DNAH8: variants seen among roughly 807,000 people sequenced by gnomAD.
DNAH8 encodes axonemal beta dynein heavy chain 8.
A neutral mutation model predicts 562.1 loss-of-function variants in DNAH8; 382 were observed. The observed-to-expected ratio is 0.68, with a 90% CI of 0.63 to 0.74. The LOEUF (loss-of-function observed/expected upper bound fraction) is 0.74. Ranked by LOEUF, DNAH8 falls within the 30% of genes least tolerant of loss-of-function variation. The pLI is 0.00. For synonymous variants in DNAH8, 1,881 were observed against 1,919.4 expected, an observed-to-expected ratio of 0.98 and a Z score of 0.52; for missense variants, 5,203 against 5,620.4, an observed-to-expected ratio of 0.93 and a Z score of 2.37.
In DNAH8 at chr6:38,949,543, A is replaced by G. The variant is rs1222699272; in HGVS notation, c.12221A>G (p.Asp4074Gly). The change falls in exon 81 of 93, where the codon GAT becomes GGT. Residue 4074 changes from aspartate to glycine, a missense_variant. By Grantham distance (94) the Asp-to-Gly change is moderately conservative (BLOSUM62 -1). This residue lies in a region of DNAH8 where 1,399 missense variants were observed against 1,518.4 expected (regional missense o/e 0.92). Coordinates refer to ENST00000327475, the MANE Select transcript of DNAH8 (RefSeq NM_001206927.2). ...CCTGATGGATATAATGATTCACTAG[A>G]TACCTGCCATAAACTTTTACTTATC... is the stretch of plus-strand genomic sequence containing the variant. ...IIPDGYNDSL[D>G]TCHKLLLIRS... 1 of 1,607,864 alleles carries G rather than the reference A, an allele frequency of 6.2e-7. No individual in the cohort carries two copies. Among genetic ancestry groups the G allele is most frequent in the Non-Finnish European group, 8.5e-7 (1 of 1,174,430 alleles).
chr6:38,763,147 A>AC (rs1166751731), intron 11 of DNAH8: 4 of 315,024 alleles, frequency 1.3e-5, no homozygotes. Context: ...AAAATGTATG[A>AC]CCCAGTGAAA....
At chr6:38,779,013 G>A (rs1370777325) in intron 14 of DNAH8, among the ~76,000 whole-genome samples, 1 of 152,018 alleles carries the variant, frequency 6.6e-6, no homozygotes, top group Admixed American at 6.6e-5. Context: ...ATTTTTTTGT[G>A]GTATGAACAG....
chr6:38,784,230 G>T (rs1378366310), intron 17 of DNAH8, among the ~76,000 whole-genome samples: 1 of 152,164 alleles, frequency 6.6e-6, no homozygotes, highest in Non-Finnish European at 1.5e-5. Flanking sequence ...TGTTTATGGA[G>T]CAGAACTCTC....
chr6:38,719,110 T>C (rs1762552976), intron 1 of DNAH8, among the ~76,000 whole-genome samples: 1 of 152,226 alleles, frequency 6.6e-6, no homozygotes, highest in South Asian at 2.1e-4. Context: ...TAGGTTACTT[T>C]ATCTCCTAAA....
In DNAH8 at chr6:38,848,653, A is replaced by T. The variant is rs751383763; in HGVS notation, c.5051A>T (p.Asn1684Ile). The T allele has an allele frequency of 2.6e-5, 42 of 1,609,244 alleles. No homozygotes were observed. Among genetic ancestry groups the T allele is most frequent in the Non-Finnish European group, 3.6e-5 (42 of 1,176,426 alleles). Residue 1684 changes from asparagine to isoleucine, a missense_variant, in exon 37 of 93, where the codon AAT becomes ATT. Physicochemically the swap from Asn to Ile is moderately radical, Grantham distance 149. Coordinates refer to ENST00000327475, the MANE Select transcript of DNAH8 (RefSeq NM_001206927.2). ...VLGSLLSNRY[N>I]APFKKNIQNW... ...TTTCCGTTCTTACCTTTTAGATACAATGCTCCATTTAAAAAAAATATCCAG... is the reference window on the plus strand; with the variant it reads ...TTTCCGTTCTTACCTTTTAGATACATTGCTCCATTTAAAAAAAATATCCAG...
intron 91 of DNAH8, among the ~76,000 whole-genome samples, chr6:39,026,084 T>C (rs567083720): frequency 1.3e-5 from 2 of 152,258 alleles, no homozygotes; most frequent in Non-Finnish European, 2.9e-5. Context: ...CATTATGCCT[T>C]ATTTCCCTAG....
chr6:38,737,922 G>C lies in DNAH8; in HGVS notation c.1066G>C (p.Val356Leu). The change falls in exon 7 of 93, where the codon GTT (valine) becomes CTT (leucine). Residue 356 changes from valine (V) to leucine (L), a missense_variant. This residue lies in a region of DNAH8 where 556 missense variants were observed against 496.9 expected (regional missense o/e 1.12). Transcript: ENST00000327475. The part of the protein sequence containing the change: ...VTAAASNSET[V>L]HQLEEVLMVW... ...TGCTGCAGCCAGCAACTCAGAAACT[G>C]TTCATCAGCTGGAGGAAGTGCTGAT... The C allele has an allele frequency of 1.9e-6, 3 of 1,608,246 alleles. No homozygotes were observed. In the South Asian group the frequency reaches 3.3e-5, roughly 18 times the overall value.
Position 38,826,226 on chromosome 6 carries a change from A to G in DNAH8, c.3918A>G (p.Glu1306=). The G allele has an allele frequency of 6.2e-7, 1 of 1,613,770 alleles. No individual in the cohort carries two copies. Among genetic ancestry groups the G allele is most frequent in the Non-Finnish European group, 8.5e-7 (1 of 1,179,844 alleles). The change falls in exon 29 of 93, where the codon GAA becomes GAG. Residue 1306 remains glutamate (E), a synonymous_variant. Transcript: ENST00000327475. ...TGTTACTCTGTCGATATCTGAATGAAGAATACAAAAAGAAAATGTCATACA... is the reference window on the plus strand; with the variant it reads ...TGTTACTCTGTCGATATCTGAATGAGGAATACAAAAAGAAAATGTCATACA... The part of the protein sequence containing the change: ...WKMLLCRYLN[E]EYKKKMSYMI...
intron 26 of DNAH8, 80 bp from the exon 27 acceptor site, chr6:38,822,758 A>C (rs937857587): frequency 3.7e-6 from 4 of 1,092,124 alleles, no homozygotes; most frequent in Admixed American, 6.9e-5. Flanking sequence ...CAGTTTGAAA[A>C]AGAATCACAA....
Position 38,860,535 on chromosome 6 carries a change from C to G in DNAH8, c.6037C>G (p.Gln2013Glu). Residue 2013 changes from glutamine (Q) to glutamate (E), a missense_variant, in exon 43 of 93, where the codon CAA (glutamine) becomes GAA (glutamate). Gln to Glu is a conservative substitution (Grantham distance 29, BLOSUM62 2). Transcript: ENST00000327475. ...ATTTTATTTTAAGGAAGATTTGGATCAAACTGTGGTGTCTATTACAGATGT... is the reference window on the plus strand; with the variant it reads ...ATTTTATTTTAAGGAAGATTTGGATGAAACTGTGGTGTCTATTACAGATGT... ...SRFYFKEDLD[Q>E]TVVSITDVDF... The G allele has an allele frequency of 6.6e-7, 1 of 1,521,674 alleles. No individual in the cohort carries two copies. The highest frequency in any genetic ancestry group is 8.8e-7 in the Non-Finnish European group (1 of 1,141,264). The allele number at this position is 1,521,674 out of a possible 1,614,324, so 94.3% of individuals were successfully genotyped here.
intron 82 of DNAH8, among the ~76,000 whole-genome samples, chr6:38,955,662 T>G (rs982921809): frequency 6.6e-6 from 1 of 152,156 alleles, no homozygotes; most frequent in African/African-American, 2.4e-5. Context: ...TGTAAGGATC[T>G]TAACTAAATC....
In DNAH8 at chr6:38,842,441, G is replaced by C. The variant is rs1407889028; in HGVS notation, c.4540G>C (p.Glu1514Gln). 3 of 1,612,760 alleles carry C rather than the reference G, an allele frequency of 1.9e-6. No individual in the cohort carries two copies. Among genetic ancestry groups the C allele is most frequent in the Non-Finnish European group, 2.5e-6 (3 of 1,179,178 alleles). The change falls in exon 34 of 93, where the codon GAA becomes CAA. Residue 1514 changes from glutamate (E) to glutamine (Q), a missense_variant. By Grantham distance (29) the Glu-to-Gln change is conservative (BLOSUM62 2). Transcript: ENST00000327475. ...TVMSSISGYY[E>Q]ILWGDVDIEK... ...AATGAGCAGTATTAGTGGTTATTAT[G>C]AAATACTTTGGGGAGATGTAGATAT... is the stretch of plus-strand genomic sequence containing the variant.
rs181507025 is a variant in DNAH8, at chr6:38,863,005, C to T, written c.6310+547C>T. Among the ~76,000 whole-genome samples the T allele has an allele frequency of 2.6e-3, 400 of 152,294 alleles. 5 individuals are homozygous for T. The highest frequency in any genetic ancestry group is 1.4e-3 in the Non-Finnish European group (97 of 68,038). On this transcript the variant is annotated intron_variant, in intron 44 of 92. Coordinates refer to ENST00000327475, the MANE Select transcript of DNAH8 (RefSeq NM_001206927.2). ...CTTGGTGATCTTATGTAGGTCCAAA[C>T]TTTAAATGCCATCTGTATGATGACT...
At chr6:38,890,823 C>T in intron 58 of DNAH8, 62 bp downstream of exon 58, 2 of 1,136,010 alleles carry the variant, frequency 1.8e-6, no homozygotes, top group African/African-American at 1.5e-5. Flanking sequence ...TAGATCACAC[C>T]TCGTGGCTCA....
intron 85 of DNAH8, among the ~76,000 whole-genome samples, chr6:38,978,798 A>G (rs897157171): frequency 6.6e-6 from 1 of 152,194 alleles, no homozygotes; most frequent in Non-Finnish European, 1.5e-5. Flanking sequence ...GGAGTTTTTC[A>G]TGATTCCACA....
chr6:38,974,599 T>G, intron 85 of DNAH8, 70 bp downstream of exon 85: 1 of 1,324,158 alleles, frequency 7.6e-7, no homozygotes, highest in South Asian at 1.3e-5. Context: ...TTGGAGAGGC[T>G]TCCAGGAGGG....
chr6:38,770,313 A>C lies in DNAH8; in HGVS notation c.1618-100A>C, dbSNP rs1767435331. 3.7e-5 allele frequency: 24 copies of C among 644,802 alleles called. 1 individual carries two copies. In the South Asian group the frequency reaches 6.7e-4, roughly 18 times the overall value. 39.9% of individuals were successfully genotyped at this position (644,802 alleles called of 1,614,324 possible). ...ATAAAAAAAAACTATACAGATTTTC[A>C]CAGTTTGATCAGTTCTGTGTGAGGG... On this transcript the variant is annotated intron_variant, in intron 11 of 92. Coordinates refer to ENST00000327475, the MANE Select transcript of DNAH8 (RefSeq NM_001206927.2).
intron 10 of DNAH8, among the ~76,000 whole-genome samples, chr6:38,759,030 A>G (rs978421607): frequency 1.1e-4 from 17 of 152,184 alleles, no homozygotes; most frequent in Non-Finnish European, 1.8e-4. Context: ...GAGACCAGGC[A>G]TGGTGGTTCA....
At chr6:38,729,633 C>G (rs1475543851) in intron 3 of DNAH8, among the ~76,000 whole-genome samples, 1 of 152,102 alleles carries the variant, frequency 6.6e-6, no homozygotes, top group East Asian at 1.9e-4. Context: ...TCAAGTTGGA[C>G]TCACCTATTT....
Sources: gnomAD v4.1 joint callset for allele counts (sites outside exome capture counted in the v4.1 genomes callset) on GRCh38, gnomAD v4.1.1 for gene constraint, gnomAD v4.1.1 regional missense constraint, MANE v1.5 for transcripts, NCBI Gene and HGNC (gene_info 2026-07-23, HGNC 2026-07-21) for gene names.